The following NR3C1 variants were observed in gnomAD, a reference collection of about 807,000 sequenced individuals.
NR3C1 encodes glucocorticoid receptor.
NR3C1 carries 14 observed loss-of-function variants against 74.0 expected under a neutral mutation model. The observed-to-expected ratio is 0.19, with a 90% confidence interval of 0.12 to 0.30. NR3C1 has a LOEUF of 0.30. Among genes scored for constraint, NR3C1 ranks in the 10% least tolerant of loss-of-function variants. NR3C1 has a pLI of 1.00. For missense variants in NR3C1, 695 were observed against 909.8 expected (o/e 0.76, Z 3.04); for synonymous variants, 308 against 332.5 (o/e 0.93, Z 0.80).
chr5:143,355,337 T>C (rs560072527), intron 2 of NR3C1, among the ~76,000 whole-genome samples: 9 of 152,264 alleles, frequency 5.9e-5, no homozygotes, highest in African/African-American at 1.9e-4. Flanking sequence ...GCCTTGGAAT[T>C]TGCCAGGTGA....
At chr5:143,434,703 A>C (rs2151965939) in exon 1 of NR3C1, 1 of 985,454 alleles carries the variant, frequency 1.0e-6, no homozygotes, top group African/African-American at 1.7e-5. Flanking sequence ...AGTGCTTATC[A>C]AAGTTAATAT....
chr5:143,326,800 T>C (rs770495320), intron 2 of NR3C1, among the ~76,000 whole-genome samples: 2 of 152,222 alleles, frequency 1.3e-5, no homozygotes, highest in Non-Finnish European at 2.9e-5. Context: ...AGAAATGAGA[T>C]GTCTTGCCAC....
intron 7 of NR3C1, among the ~76,000 whole-genome samples, chr5:143,291,375 A>G (rs1815908515): frequency 6.6e-6 from 1 of 151,814 alleles, no homozygotes; most frequent in Admixed American, 6.6e-5. Context: ...ACAGGCGCGC[A>G]CCACCACCCC....
chr5:143,409,015 TTAAG>T (rs1841207257), intron 1 of NR3C1: 1 of 152,206 alleles, frequency 6.6e-6, no homozygotes, highest in African/African-American at 2.4e-5. Context: ...TTTAATCAAA[TTAAG>T]TAAGTACAGT....
At chr5:143,337,462 A>G (rs1827364970) in intron 2 of NR3C1, among the ~76,000 whole-genome samples, 1 of 152,230 alleles carries the variant, frequency 6.6e-6, no homozygotes. Flanking sequence ...CCATCAATAG[A>G]TATGTATTCA....
At chr5:143,322,699 A>G (rs1823638574) in intron 2 of NR3C1, among the ~76,000 whole-genome samples, 1 of 152,216 alleles carries the variant, frequency 6.6e-6, no homozygotes, top group South Asian at 2.1e-4. Context: ...CTATATTCAT[A>G]TCAATATAAA....
At chr5:143,404,165 C>T (rs1840878446), upstream of NR3C1, 1 of 985,480 alleles carries the variant, frequency 1.0e-6, no homozygotes, top group African/African-American at 1.7e-5. Context: ...CCACAAGAGC[C>T]GGGGCGCCTC....
chr5:143,395,743 T>C (rs1839068266), intron 2 of NR3C1, among the ~76,000 whole-genome samples: 1 of 151,876 alleles, frequency 6.6e-6, no homozygotes, highest in East Asian at 1.9e-4. Context: ...AAATTAAGAT[T>C]TCCTGGGCTG....
chr5:143,422,139 C>T (rs1751269048), intron 1 of NR3C1, among the ~76,000 whole-genome samples: 2 of 152,170 alleles, frequency 1.3e-5, no homozygotes, highest in South Asian at 4.1e-4. Context: ...TCTCACCAAG[C>T]TCTCCCCATC....
chr5:143,403,881 C>T (rs1840829093), upstream of NR3C1: 7 of 979,424 alleles, frequency 7.1e-6, no homozygotes, highest in East Asian at 1.1e-4. Context: ...GGCGCCTGCA[C>T]GCCCGCGTCC....
chr5:143,410,407 A>G (rs1455630279), intron 1 of NR3C1, among the ~76,000 whole-genome samples: 1 of 152,242 alleles, frequency 6.6e-6, no homozygotes, highest in Non-Finnish European at 1.5e-5. Flanking sequence ...TTAACAAGAT[A>G]AGAAGATACT....
intron 1 of NR3C1, among the ~76,000 whole-genome samples, chr5:143,425,616 A>G (rs1053962493): frequency 5.3e-4 from 81 of 152,216 alleles, no homozygotes; most frequent in African/African-American, 1.8e-3. Flanking sequence ...TAAGCACATA[A>G]AAGATGCACA....
chr5:143,286,865 A>G (rs1240737858), intron 7 of NR3C1, among the ~76,000 whole-genome samples: 1 of 152,076 alleles, frequency 6.6e-6, no homozygotes. Context: ...TGCCTAAAAA[A>G]GTCTCAGAAG....
In NR3C1 at chr5:143,281,681, C is replaced by CCAT. The variant is rs1354057937; in HGVS notation, c.*205_*207dup. ...CTAATAAATTTCACCATCTACTCTC[C>CCAT]CATCACTGAAAAGTGATGACGACTC... On this transcript the variant is annotated 3_prime_UTR_variant, in exon 9 of 9. Transcript: ENST00000394464. The CCAT allele has an allele frequency of 1.8e-6, 1 of 549,296 alleles. No homozygotes were observed. Among genetic ancestry groups the CCAT allele is most frequent in the South Asian group, 2.1e-5 (1 of 48,130 alleles). 34.0% of individuals were successfully genotyped at this position (549,296 alleles called of 1,614,324 possible). A position where few individuals can be genotyped will look rare whatever the true frequency, so the allele number is the denominator to read the frequency against.
At chr5:143,352,690 G>T (rs906802506) in intron 2 of NR3C1, among the ~76,000 whole-genome samples, 1 of 152,160 alleles carries the variant, frequency 6.6e-6, no homozygotes, top group Non-Finnish European at 1.5e-5. Context: ...TCTATTAAGT[G>T]TGCAATAGCA....
chr5:143,364,815 C>A (rs1026439091), intron 2 of NR3C1, among the ~76,000 whole-genome samples: 1 of 152,138 alleles, frequency 6.6e-6, no homozygotes, highest in Non-Finnish European at 1.5e-5. Flanking sequence ...AAGCTATCCT[C>A]CCAACTCAGC....
At chr5:143,353,786 G>A (rs915748212) in intron 2 of NR3C1, among the ~76,000 whole-genome samples, 34 of 152,050 alleles carry the variant, frequency 2.2e-4, no homozygotes, top group Admixed American at 3.3e-4. Flanking sequence ...AAGGGTCTTC[G>A]GATTTTTGGA....
At chr5:143,356,462 T>C (rs1193972354) in intron 2 of NR3C1, among the ~76,000 whole-genome samples, 3 of 152,094 alleles carry the variant, frequency 2.0e-5, no homozygotes, top group Admixed American at 1.3e-4. Flanking sequence ...ACAATTTCAC[T>C]TAATTCCCAA....
chr5:143,382,895 T>C (rs1159207182), intron 2 of NR3C1, among the ~76,000 whole-genome samples: 2 of 152,218 alleles, frequency 1.3e-5, no homozygotes, highest in Non-Finnish European at 2.9e-5. Context: ...TCCTCGTATA[T>C]GCAAATACAG....
Sources: gnomAD v4.1 joint callset for allele counts (sites outside exome capture counted in the v4.1 genomes callset) on GRCh38, gnomAD v4.1.1 for gene constraint, MANE v1.5 for transcripts, NCBI Gene and HGNC (gene_info 2026-07-23, HGNC 2026-07-21) for gene names.